The following RASEF variants were observed in gnomAD, a reference collection of about 807,000 sequenced individuals.
RASEF encodes RAS and EF-hand domain containing, also known as ras and EF-hand domain-containing protein.
In RASEF, 68 loss-of-function variants were observed where a neutral mutation model predicts 90.1. The observed-to-expected ratio is 0.75, with a 90% CI of 0.62 to 0.92. RASEF has a LOEUF of 0.92. RASEF is among the 40% of genes least tolerant of loss of function. RASEF has a pLI of 0.00. For synonymous variants in RASEF, 331 were observed against 345.2 expected (o/e 0.96, Z 0.46); for missense variants, 949 against 937.2 (o/e 1.01, Z -0.16).
At position 83,049,400 on chromosome 9, in the gene RASEF, T is replaced by C. The variant is rs1221522956; in HGVS notation, c.431+13037A>G. ...TCATACATGGCTATCTTGAACACAT[T>C]TCTATGATCAAAAGCCCATTCTCCC... On this transcript the variant is annotated intron_variant, in intron 1 of 16. Transcript: ENST00000376447. 3.3e-6 allele frequency: 3 copies of C among 901,150 alleles called. No individual in the cohort carries two copies. In the Admixed American group the frequency reaches 1.9e-4, roughly 56 times the overall value. The allele number at this position is 901,150 out of a possible 1,614,324, so 55.8% of individuals were successfully genotyped here. A position where few individuals can be genotyped will look rare whatever the true frequency, so the allele number is the denominator to read the frequency against.
chr9:83,182,740 G>A, the RASEF span, among the ~76,000 whole-genome samples: 1 of 152,000 alleles, frequency 6.6e-6, no homozygotes, highest in Non-Finnish European at 1.5e-5. Context: ...AAATAAATAT[G>A]TGCAAGTATT....
intron 13 of RASEF, 124 bp from the exon 14 acceptor site, chr9:82,997,250 T>C (rs755331979): frequency 1.6e-4 from 108 of 657,720 alleles, no homozygotes; most frequent in Non-Finnish European, 2.7e-4. Context: ...CTGCAATATA[T>C]GACTGAGACA....
At chr9:82,988,218 C>G (rs562335729) in intron 16 of RASEF, among the ~76,000 whole-genome samples, 58 of 152,370 alleles carry the variant, frequency 3.8e-4, no homozygotes, top group African/African-American at 1.4e-3. Context: ...ACTCTCCCCT[C>G]TTTACTGAAT....
the RASEF span, among the ~76,000 whole-genome samples, chr9:83,213,521 A>G: frequency 2.0e-5 from 3 of 152,182 alleles, no homozygotes; most frequent in African/African-American, 7.2e-5. Context: ...CTTATACAAT[A>G]TCTGTCTCAT....
chr9:82,985,960 C>A (rs781088610), intron 16 of RASEF, among the ~76,000 whole-genome samples: 1 of 152,042 alleles, frequency 6.6e-6, no homozygotes, highest in Non-Finnish European at 1.5e-5. Context: ...ATGGCTATGG[C>A]GTTTCCGGTG....
At chr9:83,137,968 C>T in the RASEF span, among the ~76,000 whole-genome samples, 577 of 151,936 alleles carry the variant, frequency 3.8e-3, 1 homozygote, top group Non-Finnish European at 4.8e-3. Flanking sequence ...TTGAACTTTA[C>T]CCTCAGAAGG....
chr9:83,190,042 C>T, the RASEF span, among the ~76,000 whole-genome samples: 1 of 152,158 alleles, frequency 6.6e-6, no homozygotes. Context: ...CGCTTCCCTC[C>T]CCCTGCAGTC....
chr9:83,077,519 ACTT>A, the RASEF span, among the ~76,000 whole-genome samples: 38 of 152,268 alleles, frequency 2.5e-4, 1 homozygote, highest in Middle Eastern at 6.8e-3. Context: ...TGCAAATTGA[ACTT>A]CTTAAGTACA....
the RASEF span, among the ~76,000 whole-genome samples, chr9:83,143,124 C>T: frequency 1.2e-4 from 18 of 152,056 alleles, no homozygotes; most frequent in Non-Finnish European, 1.5e-5. Flanking sequence ...ATTCATGATC[C>T]CACAGTTGAC....
At chr9:83,116,887 T>C in the RASEF span, among the ~76,000 whole-genome samples, 1 of 152,196 alleles carries the variant, frequency 6.6e-6, no homozygotes, top group African/African-American at 2.4e-5. Context: ...TTGTAACAAG[T>C]TGACCAATTA....
At chr9:83,160,609 C>A in the RASEF span, among the ~76,000 whole-genome samples, 3 of 152,160 alleles carry the variant, frequency 2.0e-5, no homozygotes, top group African/African-American at 4.8e-5. Context: ...AAGAAAATCT[C>A]ATGTTCTGAG....
the RASEF span, among the ~76,000 whole-genome samples, chr9:83,071,920 T>C: frequency 6.6e-6 from 1 of 152,180 alleles, no homozygotes; most frequent in African/African-American, 2.4e-5. Context: ...TCCCAGGACA[T>C]TAGTTCTGCT....
At chr9:83,186,917 T>C in the RASEF span, among the ~76,000 whole-genome samples, 1 of 152,100 alleles carries the variant, frequency 6.6e-6, no homozygotes, top group Non-Finnish European at 1.5e-5. Context: ...TTCTTAGAGA[T>C]AGCAAAGGGT....
At chr9:83,158,291 C>T in the RASEF span, among the ~76,000 whole-genome samples, 26,154 of 151,782 alleles carry the variant, frequency 0.17, 2,424 homozygotes, top group Non-Finnish European at 0.21. Flanking sequence ...ATTGTGAATG[C>T]ACTGTTAATT....
At chr9:83,033,387 C>T (rs371700991) in intron 1 of RASEF, among the ~76,000 whole-genome samples, 1 of 152,118 alleles carries the variant, frequency 6.6e-6, no homozygotes, top group Admixed American at 6.5e-5. Flanking sequence ...GTGAACATGA[C>T]CAGTCCTTGG....
At chr9:83,162,026 A>T in the RASEF span, among the ~76,000 whole-genome samples, 1 of 152,122 alleles carries the variant, frequency 6.6e-6, no homozygotes, top group Non-Finnish European at 1.5e-5. Context: ...TATCAACAGC[A>T]TGGAAATGGA....
At chr9:83,113,882 C>T in the RASEF span, among the ~76,000 whole-genome samples, 1 of 152,114 alleles carries the variant, frequency 6.6e-6, no homozygotes, top group Non-Finnish European at 1.5e-5. Context: ...TCTTTATTGC[C>T]CTTTGAAGCA....
the RASEF span, among the ~76,000 whole-genome samples, chr9:83,092,230 C>T: frequency 2.6e-5 from 4 of 151,822 alleles, no homozygotes; most frequent in Non-Finnish European, 5.9e-5. Flanking sequence ...AAACGTGAAC[C>T]AATTATGTCC....
chr9:83,034,687 T>C (rs1829707119), intron 1 of RASEF, among the ~76,000 whole-genome samples: 1 of 152,172 alleles, frequency 6.6e-6, no homozygotes, highest in Non-Finnish European at 1.5e-5. Flanking sequence ...AGGCACAGCC[T>C]CAAAACAACT....
Sources: gnomAD v4.1 joint callset for allele counts (sites outside exome capture counted in the v4.1 genomes callset) on GRCh38, gnomAD v4.1.1 for gene constraint, MANE v1.5 for transcripts, NCBI Gene and HGNC (gene_info 2026-07-23, HGNC 2026-07-21) for gene names.